Variants in EVL observed in about 807,000 individuals in gnomAD.
The protein encoded by EVL is ena/VASP-like protein.
A neutral mutation model predicts 59.6 loss-of-function variants in EVL; 21 were observed. That is an observed-to-expected ratio of 0.35 (90% CI 0.25 to 0.51). The LOEUF (loss-of-function observed/expected upper bound fraction) is 0.51. Among genes scored for constraint, EVL ranks in the 20% least tolerant of loss-of-function variants. The pLI is 0.97. For missense variants in EVL, 462 were observed against 546.6 expected (o/e 0.85, Z 1.54); for synonymous variants, 198 against 203.5 (o/e 0.97, Z 0.23).
At chr14:100,022,979 AGAT>A (rs2061151155) in intron 1 of EVL, among the ~76,000 whole-genome samples, 2 of 152,164 alleles carry the variant, frequency 1.3e-5, no homozygotes, top group African/African-American at 2.4e-5. Flanking sequence ...GAATCCCTGC[AGAT>A]GATCTCACTC....
rs1024602801 is a variant in EVL at position 100,026,952 on chromosome 14, G to GA, written c.5+54897dup. ...ATGATGGTGGGAGCACTGGTTGGTGGAAGAATGCAGAGGGCAGACAGACCA... is the reference window on the plus strand; with the variant it reads ...ATGATGGTGGGAGCACTGGTTGGTGGAAAGAATGCAGAGGGCAGACAGACCA... On this transcript the variant is annotated intron_variant, in intron 1 of 13. Coordinates refer to the EVL transcript ENST00000402714. Among the ~76,000 whole-genome samples, 12 of 152,286 alleles carry GA rather than the reference G, an allele frequency of 7.9e-5. No homozygotes were observed. In the South Asian group the frequency reaches 1.0e-3, roughly 13 times the overall value.
At position 100,034,082 on chromosome 14, in the gene EVL, C is replaced by CAA. The variant is rs113566079; in HGVS notation, c.6-50597_6-50596dup. Among the ~76,000 whole-genome samples the CAA allele has an allele frequency of 1.1e-4, 16 of 148,208 alleles. 1 individual carries two copies. The highest frequency in any genetic ancestry group is 2.7e-4 in the African/African-American group (11 of 40,398). ...CTCTACTAAAAATACAAACAAAAAA[C>CAA]AAAAAAAAACAGGCGTGGTGATGGG... On this transcript the variant is annotated intron_variant, in intron 1 of 13. Transcript: ENST00000402714.
chr14:100,050,931 G>C (rs1239846272), intron 1 of EVL, among the ~76,000 whole-genome samples: 1 of 150,222 alleles, frequency 6.7e-6, no homozygotes, highest in Non-Finnish European at 1.5e-5. Context: ...AAAAAATTAA[G>C]AGATGGGGGT....
rs1018797717 is a variant in EVL, at chr14:100,127,395, C to T, written c.487+624C>T. On this transcript the variant is annotated intron_variant, in intron 5 of 13. Coordinates refer to ENST00000392920, the MANE Select transcript of EVL (RefSeq NM_016337.3). The surrounding 1 kb of genome is among the most constrained non-coding windows in gnomAD (Gnocchi z 4.2). Reference sequence around the variant, plus strand: ...AACACCCTATGAAGTGAGCAGGTGACTATTATCCTGTTGACTGATGAGAAA... The same window carrying T: ...AACACCCTATGAAGTGAGCAGGTGATTATTATCCTGTTGACTGATGAGAAA... 3.9e-5 allele frequency among the ~76,000 whole-genome samples: 6 copies of T among 152,324 alleles called. No individual in the cohort carries two copies. The highest frequency in any genetic ancestry group is 2.1e-4 in the South Asian group (1 of 4,828).
At chr14:99,979,922 C>T (rs2060795840) in intron 1 of EVL, among the ~76,000 whole-genome samples, 1 of 152,144 alleles carries the variant, frequency 6.6e-6, no homozygotes, top group African/African-American at 2.4e-5. Flanking sequence ...TGTGTCTATA[C>T]TGAACACGTA....
At chr14:100,133,408 C>A (rs1280898786) in intron 8 of EVL, among the ~76,000 whole-genome samples, 6 of 152,206 alleles carry the variant, frequency 3.9e-5, no homozygotes, top group African/African-American at 1.4e-4. Context: ...ACTACAAATG[C>A]CTTGAAGGTT....
intron 4 of EVL, among the ~76,000 whole-genome samples, chr14:100,125,046 AG>A (rs1887946268): frequency 7.3e-6 from 1 of 137,200 alleles, no homozygotes. Context: ...ACATGTGGAT[AG>A]ACACACACAC....
intron 1 of EVL, among the ~76,000 whole-genome samples, chr14:100,001,645 CAAA>C (rs1389539369): frequency 7.9e-5 from 12 of 152,178 alleles, no homozygotes; most frequent in African/African-American, 2.7e-4. Context: ...TTTGTACCAT[CAAA>C]TAACTATGAG....
intron 8 of EVL, chr14:100,134,723 A>ATG (rs1032080442): frequency 6.6e-6 from 1 of 152,220 alleles, no homozygotes; most frequent in African/African-American, 2.4e-5. Context: ...AGAGCCCCAA[A>ATG]TGTGGAGTCC....
intron 3 of EVL, among the ~76,000 whole-genome samples, chr14:100,112,343 C>G (rs547877566): frequency 2.6e-5 from 4 of 152,304 alleles, no homozygotes; most frequent in African/African-American, 7.2e-5. Flanking sequence ...CAGCCACTGT[C>G]TGACTGGCTT....
intron 1 of EVL, among the ~76,000 whole-genome samples, chr14:100,084,226 G>A (rs12432801): frequency 0.19 from 29,106 of 151,454 alleles, 4,135 homozygotes; most frequent in African/African-American, 0.4. Context: ...TAATTTTTGT[G>A]TTTTTAGAGG....
chr14:99,991,047 T>G (rs1267914044), intron 1 of EVL, among the ~76,000 whole-genome samples: 2 of 152,024 alleles, frequency 1.3e-5, no homozygotes, highest in African/African-American at 4.8e-5. Context: ...TTTTGGAGAT[T>G]TGTGACAATT....
intron 3 of EVL, among the ~76,000 whole-genome samples, chr14:100,116,384 C>G (rs1194271321): frequency 6.6e-6 from 1 of 152,186 alleles, no homozygotes; most frequent in African/African-American, 2.4e-5. Flanking sequence ...TCCTTTGTCT[C>G]TGGCACCCCT....
chr14:100,003,158 C>CTG (rs1205806334), intron 1 of EVL, among the ~76,000 whole-genome samples: 1 of 152,194 alleles, frequency 6.6e-6, no homozygotes, highest in Non-Finnish European at 1.5e-5. Context: ...CCCTCTTCCA[C>CTG]TATAGTCCCT....
intron 1 of EVL, among the ~76,000 whole-genome samples, chr14:99,999,908 GT>G (rs1485584793): frequency 6.6e-6 from 1 of 152,150 alleles, no homozygotes; most frequent in African/African-American, 2.4e-5. Flanking sequence ...TTTCTCTTTA[GT>G]TTTTGCCTAG....
At chr14:100,076,415 A>C (rs557703195) in intron 1 of EVL, among the ~76,000 whole-genome samples, 82 of 152,332 alleles carry the variant, frequency 5.4e-4, no homozygotes, top group Non-Finnish European at 1.0e-3. Flanking sequence ...CACTCTACAT[A>C]GGGAGAAGTC....
chr14:100,069,146 T>C (rs2061997213), intron 1 of EVL, among the ~76,000 whole-genome samples: 1 of 152,234 alleles, frequency 6.6e-6, no homozygotes, highest in African/African-American at 2.4e-5. Flanking sequence ...GCAATACACA[T>C]TTATTGAACT....
intron 1 of EVL, among the ~76,000 whole-genome samples, chr14:100,030,035 C>T (rs1011240786): frequency 3.3e-5 from 5 of 151,944 alleles, no homozygotes; most frequent in Non-Finnish European, 5.9e-5. Context: ...GTTGCCTTAC[C>T]TGTAAAATGG....
chr14:100,109,511 A>C lies in EVL; in HGVS notation c.358+11853A>C, dbSNP rs1448738453. ...CCCTGAAGAGAGACTGACACATCAG[A>C]GGTGTCTGGTGACTGAACAAGCTCC... is the stretch of plus-strand genomic sequence containing the variant. On this transcript the variant is annotated intron_variant, in intron 3 of 13. Transcript: ENST00000392920. The surrounding 1 kb of genome is among the most constrained non-coding windows in gnomAD (Gnocchi z 4.3). 9 of 461,470 alleles carry C rather than the reference A, an allele frequency of 2.0e-5. No individual in the cohort carries two copies. In the East Asian group the frequency reaches 6.3e-4, roughly 32 times the overall value. 28.6% of individuals were successfully genotyped at this position (461,470 alleles called of 1,614,324 possible).
Sources: allele counts gnomAD v4.1 joint callset (sites outside exome capture counted in the v4.1 genomes callset), GRCh38; gene constraint gnomAD v4.1.1; non-coding constraint Gnocchi (gnomAD v3.1); transcripts MANE v1.5; gene names NCBI Gene and HGNC (gene_info 2026-07-23, HGNC 2026-07-21).